The following PANK4 variants were observed in gnomAD, a reference collection of about 807,000 sequenced individuals.
The protein encoded by PANK4 is pantothenate kinase 4 (inactive).
PANK4 carries 40 observed loss-of-function variants against 87.9 expected under a neutral mutation model. The ratio of observed to expected loss-of-function variants is 0.46; its 90% CI spans 0.35 to 0.59. The LOEUF is 0.59. Ranked by LOEUF, PANK4 falls within the 20% of genes least tolerant of loss-of-function variation. PANK4 has a pLI of 0.00. For synonymous variants in PANK4, 524 were observed against 467.4 expected (o/e 1.12, Z -1.56); for missense variants, 926 against 1,072.3 (o/e 0.86, Z 1.90).
At chr1:2,511,287 C>T in intron 15 of PANK4, 51 bp downstream of exon 15, 1 of 1,372,664 alleles carries the variant, frequency 7.3e-7, no homozygotes, top group Non-Finnish European at 1.0e-6. Context: ...GACCACCCCC[C>T]CGGGCCCCGC....
At position 2,526,355 on chromosome 1, in the gene PANK4, G is replaced by GAGGCCC. The variant is rs1055247785; in HGVS notation, c.124+103_124+108dup. On this transcript the variant is annotated intron_variant, in intron 1 of 18. Coordinates refer to ENST00000378466, the MANE Select transcript of PANK4 (RefSeq NM_018216.4). ...CTACAAGGCCCGTGAGGCTGTGCGC[G>GAGGCCC]AGGCCCGCGCCCCCGCCCTTCGTCC... 3 of 604,836 alleles carry GAGGCCC rather than the reference G, an allele frequency of 5.0e-6. No homozygotes were observed. In the African/African-American group the frequency reaches 6.0e-5, roughly 12 times the overall value. 37.5% of individuals were successfully genotyped at this position (604,836 alleles called of 1,614,324 possible). A position where few individuals can be genotyped will look rare whatever the true frequency, so the allele number is the denominator to read the frequency against.
At position 2,518,222 on chromosome 1, in the gene PANK4, G is replaced by C; in HGVS notation, c.1160C>G (p.Ser387Cys). 1 of 1,612,044 alleles carries C rather than the reference G, an allele frequency of 6.2e-7. No individual in the cohort carries two copies. The highest frequency in any genetic ancestry group is 1.1e-5 in the South Asian group (1 of 91,090). Residue 387 changes from serine (S) to cysteine (C), a missense_variant, in exon 9 of 19, where the codon TCC becomes TGC. Ser to Cys is a moderately radical substitution (Grantham distance 112). Transcript: ENST00000378466. The part of the protein sequence containing the change: ...YSWGENYAGS[S>C]GLMSASPELG... ...CTCGGGTGATGCACTCATCAGCCCG[G>C]AGCTGCCTGCATAGTTCTCTCCCCA...
At chr1:2,518,327 G>A (rs1246964808) in intron 8 of PANK4, 63 bp from the exon 9 acceptor site, 3 of 1,203,994 alleles carry the variant, frequency 2.5e-6, no homozygotes, top group Non-Finnish European at 3.7e-6. Flanking sequence ...GCAGGAGAGT[G>A]GAGGAGGAAA....
Position 2,509,346 on chromosome 1 carries a change from G to A in PANK4, c.2109-286C>T, listed in dbSNP as rs1643620339. Among the ~76,000 whole-genome samples, 1 of 152,210 alleles carries A rather than the reference G, an allele frequency of 6.6e-6. No individual in the cohort carries two copies. On this transcript the variant is annotated intron_variant, in intron 18 of 18. Coordinates refer to ENST00000378466, the MANE Select transcript of PANK4 (RefSeq NM_018216.4). The surrounding 1 kb of genome is among the most constrained non-coding windows in gnomAD (Gnocchi z 4.9). Reference sequence around the variant, plus strand: ...TTTCACGCCCTCCTTGTTGGTGAGAGTGGGGCTGGGGCACAGATGAAGCCA... The same window carrying A: ...TTTCACGCCCTCCTTGTTGGTGAGAATGGGGCTGGGGCACAGATGAAGCCA...
At position 2,510,535 on chromosome 1, in the gene PANK4, G is replaced by T; in HGVS notation, c.1938+143C>A. ...CCACCCCAGCAGATGACGGCTCTGGGCCGCCTCCCCCGTGCTGCTGCCTGC... is the reference window on the plus strand; with the variant it reads ...CCACCCCAGCAGATGACGGCTCTGGTCCGCCTCCCCCGTGCTGCTGCCTGC... On this transcript the variant is annotated intron_variant, in intron 16 of 18. Coordinates refer to ENST00000378466, the MANE Select transcript of PANK4 (RefSeq NM_018216.4). The surrounding 1 kb of genome is among the most constrained non-coding windows in gnomAD (Gnocchi z 4.9). The T allele has an allele frequency of 1.5e-6, 1 of 659,030 alleles. No individual in the cohort carries two copies. The highest frequency in any genetic ancestry group is 2.4e-5 in the Admixed American group (1 of 41,172). 40.8% of individuals were successfully genotyped at this position (659,030 alleles called of 1,614,324 possible).
Position 2,509,881 on chromosome 1 carries a change from A to T in PANK4, c.2089T>A (p.Ser697Thr), listed in dbSNP as rs753292451. The T allele has an allele frequency of 1.2e-6, 2 of 1,612,050 alleles. No homozygotes were observed. The highest frequency in any genetic ancestry group is 1.7e-6 in the Non-Finnish European group (2 of 1,179,874). ...GGTTACCTGAGGTCGAGGCACGGGG[A>T]GCTGGAGCCCGTCTGCACCAGCAGC... ...RLLLVQTGSS[S>T]PCLDLSRLDK... The change falls in exon 18 of 19, where the codon TCC becomes ACC. Residue 697 changes from serine to threonine, a missense_variant. By Grantham distance (58) the Ser-to-Thr change is moderately conservative. Coordinates refer to ENST00000378466, the MANE Select transcript of PANK4 (RefSeq NM_018216.4). This position sits in a 1 kb window ranked among gnomAD's most constrained non-coding sequence, Gnocchi z 4.9.
In PANK4 at chr1:2,509,892, G is replaced by A; in HGVS notation, c.2078C>T (p.Thr693Met). The A allele has an allele frequency of 1.2e-6, 2 of 1,612,102 alleles. No homozygotes were observed. Among genetic ancestry groups the A allele is most frequent in the Non-Finnish European group, 1.7e-6 (2 of 1,179,808 alleles). Residue 693 changes from threonine (T) to methionine (M), a missense_variant, in exon 18 of 19, where the codon ACG becomes ATG. Thr to Met is a moderately conservative substitution (Grantham distance 81). Coordinates refer to ENST00000378466, the MANE Select transcript of PANK4 (RefSeq NM_018216.4). This position sits in a 1 kb window ranked among gnomAD's most constrained non-coding sequence, Gnocchi z 4.9. ...LQEERLLLVQ[T>M]GSSSPCLDLS... ...GTCGAGGCACGGGGAGCTGGAGCCC[G>A]TCTGCACCAGCAGCAGCCTCTCTTC...
chr1:2,518,428 T>C, intron 8 of PANK4, 88 bp downstream of exon 8: 3 of 1,218,582 alleles, frequency 2.5e-6, no homozygotes, highest in Non-Finnish European at 3.5e-6. Context: ...CCACCCCACC[T>C]CCACCCTGGG....
chr1:2,515,208 C>A lies in PANK4; in HGVS notation c.1374+354G>T. The A allele has an allele frequency of 2.2e-6, 1 of 452,002 alleles. No individual in the cohort carries two copies. Among genetic ancestry groups the A allele is most frequent in the Non-Finnish European group, 4.4e-6 (1 of 227,792 alleles). The allele number at this position is 452,002 out of a possible 1,614,324, so 28.0% of individuals were successfully genotyped here. On this transcript the variant is annotated intron_variant, in intron 10 of 18. Coordinates refer to ENST00000378466, the MANE Select transcript of PANK4 (RefSeq NM_018216.4). The surrounding 1 kb of genome is among the most constrained non-coding windows in gnomAD (Gnocchi z 5.0). ...GGAGCTTGCTGGGGCTGAGTCTCAC[C>A]CCACCCCCAGAGTCAGGGTCCCACA...
At position 2,520,867 on chromosome 1, in the gene PANK4, C is replaced by T; in HGVS notation, c.462G>A (p.Gly154=). ...GGATGTTCTTGAGCACGAAGTTGCA[C>T]CCCTTAATCAGGCACGTCATCACGT... ...KEDVMTCLIK[G]CNFVLKNIPH... Residue 154 remains glycine (G), a synonymous_variant, in exon 4 of 19, where the codon GGG becomes GGA. Coordinates refer to ENST00000378466, the MANE Select transcript of PANK4 (RefSeq NM_018216.4). This position sits in a 1 kb window ranked among gnomAD's most constrained non-coding sequence, Gnocchi z 6.2. 2 of 1,572,926 alleles carry T rather than the reference C, an allele frequency of 1.3e-6. No individual in the cohort carries two copies. The highest frequency in any genetic ancestry group is 1.2e-5 in the South Asian group (1 of 84,720).
chr1:2,509,942 A>G lies in PANK4; in HGVS notation c.2040-12T>C, dbSNP rs777010275. 6.2e-7 allele frequency: 1 copy of G among 1,610,246 alleles called. No homozygotes were observed. Among genetic ancestry groups the G allele is most frequent in the East Asian group, 2.2e-5 (1 of 44,722 alleles). On this transcript the variant is annotated splice_polypyrimidine_tract_variant and intron_variant, in intron 17 of 18. Coordinates refer to ENST00000378466, the MANE Select transcript of PANK4 (RefSeq NM_018216.4). This position sits in a 1 kb window ranked among gnomAD's most constrained non-coding sequence, Gnocchi z 4.9. ...CCTGGAGCGCAGAGCTGCCAGATAC[A>G]AGGTGGTCAGTGCCCCCAGGAGCTC... is the stretch of plus-strand genomic sequence containing the variant.
rs1332941088 is a variant in PANK4 at position 2,518,411 on chromosome 1, AC to A, written c.1117+104del. The A allele has an allele frequency of 1.1e-5, 12 of 1,061,972 alleles. No homozygotes were observed. The African/African-American group carries it at 1.6e-4, about 14-fold the overall frequency. 65.8% of individuals were successfully genotyped at this position (1,061,972 alleles called of 1,614,324 possible). A position where few individuals can be genotyped will look rare whatever the true frequency, so the allele number is the denominator to read the frequency against. ...TGCTGCTGTCACTTTCTGAGGACTC[AC>A]GCTCCCCACCCCACCTCCACCCTGG... is the stretch of plus-strand genomic sequence containing the variant. On this transcript the variant is annotated intron_variant, in intron 8 of 18. Transcript: ENST00000378466.
chr1:2,518,416 C>A, intron 8 of PANK4, 100 bp downstream of exon 8: 4 of 1,094,376 alleles, frequency 3.7e-6, no homozygotes, highest in Non-Finnish European at 5.4e-6. Context: ...GACTCACGCT[C>A]CCCACCCCAC....
chr1:2,515,142 T>C lies in PANK4; in HGVS notation c.1374+420A>G, dbSNP rs1176231502. On this transcript the variant is annotated intron_variant, in intron 10 of 18. Transcript: ENST00000378466. This position sits in a 1 kb window ranked among gnomAD's most constrained non-coding sequence, Gnocchi z 5.0. ...TTGCTCCACGGGACCAGCCCAGCCT[T>C]GGAGAAGGTGGGACGCAGGAGTCCC... The C allele has an allele frequency of 5.4e-6, 2 of 372,218 alleles. No homozygotes were observed. The highest frequency in any genetic ancestry group is 5.3e-6 in the Non-Finnish European group (1 of 187,652). The allele number at this position is 372,218 out of a possible 1,614,324, so 23.1% of individuals were successfully genotyped here.
Position 2,509,058 on chromosome 1 carries a change from C to T in PANK4, c.2111G>A (p.Arg704His), listed in dbSNP as rs776674888. 6 of 1,594,558 alleles carry T rather than the reference C, an allele frequency of 3.8e-6. No homozygotes were observed. The highest frequency in any genetic ancestry group is 1.7e-5 in the Admixed American group (1 of 59,180). ...CAGTGCGGCCAGCCCCTTATCCAGGCGGCTTTGGGGAGGAAGAGGACGGTG... is the reference window on the plus strand; with the variant it reads ...CAGTGCGGCCAGCCCCTTATCCAGGTGGCTTTGGGGAGGAAGAGGACGGTG... Reference protein sequence around the residue: ...GSSSPCLDLSRLDKGLAALVR... With the variant: ...GSSSPCLDLSHLDKGLAALVR... Residue 704 changes from arginine to histidine, a missense_variant and splice_region_variant, in exon 19 of 19, where the codon CGC (arginine) becomes CAC (histidine). By Grantham distance (29) the Arg-to-His change is conservative. Transcript: ENST00000378466. The surrounding 1 kb of genome is among the most constrained non-coding windows in gnomAD (Gnocchi z 4.9).
intron 3 of PANK4, 35 bp downstream of exon 3, chr1:2,521,066 C>T (rs895929894): frequency 8.9e-6 from 14 of 1,580,358 alleles, no homozygotes; most frequent in East Asian, 2.2e-5. Flanking sequence ...GGGGCAGACA[C>T]ATGTTCCTTT....
intron 15 of PANK4, among the ~76,000 whole-genome samples, 168 bp downstream of exon 15, chr1:2,511,170 G>A (rs966494176): frequency 6.6e-6 from 1 of 152,216 alleles, no homozygotes; most frequent in Non-Finnish European, 1.5e-5. Flanking sequence ...CACGACAGGA[G>A]GGCAAGTGTG....
At chr1:2,525,582 C>T (rs142630148) in intron 1 of PANK4, 2 of 152,300 alleles carry the variant, frequency 1.3e-5, no homozygotes, top group East Asian at 3.9e-4. Context: ...GCCCGATGAC[C>T]CTGGGCAAAT....
At chr1:2,526,421 G>A in intron 1 of PANK4, 43 bp downstream of exon 1, 2 of 734,326 alleles carry the variant, frequency 2.7e-6, no homozygotes, top group Non-Finnish European at 3.5e-6. Context: ...CCGGCGCCCC[G>A]CCCGCCCCCG....
Sources: gnomAD v4.1 joint callset for allele counts (sites outside exome capture counted in the v4.1 genomes callset) on GRCh38, gnomAD v4.1.1 for gene constraint, Gnocchi (gnomAD v3.1) non-coding constraint, MANE v1.5 for transcripts, NCBI Gene and HGNC (gene_info 2026-07-23, HGNC 2026-07-21) for gene names.